Variants in THADA observed in about 807,000 individuals in gnomAD.
THADA encodes the protein THADA armadillo repeat containing.
In THADA, 213 loss-of-function variants were observed where a neutral mutation model predicts 219.8. The ratio of observed to expected loss-of-function variants is 0.97; its 90% CI spans 0.87 to 1.09. The LOEUF (loss-of-function observed/expected upper bound fraction) is 1.09, where lower values mean the gene tolerates loss of function less well. Among genes scored for constraint, THADA ranks in the 50% least tolerant of loss-of-function variants. The pLI is 0.00. For synonymous variants in THADA, 1,018 were observed against 828.9 expected, an observed-to-expected ratio of 1.23 and a Z score of -3.92; for missense variants, 2,956 against 2,311.3, an observed-to-expected ratio of 1.28 and a Z score of -5.72.
intron 36 of THADA, among the ~76,000 whole-genome samples, chr2:43,249,027 A>T (rs1669547363): frequency 6.6e-6 from 1 of 151,488 alleles, no homozygotes; most frequent in Non-Finnish European, 1.5e-5. Flanking sequence ...TCACCTCTCC[A>T]TCCCCACTGC....
chr2:43,452,779 T>G (rs1188389808), intron 26 of THADA, among the ~76,000 whole-genome samples: 1 of 152,226 alleles, frequency 6.6e-6, no homozygotes, highest in Admixed American at 6.5e-5. Flanking sequence ...TTTTAAAATC[T>G]AATCATCTGC....
chr2:43,555,146 C>G (rs1038771731), intron 17 of THADA, among the ~76,000 whole-genome samples: 4 of 151,668 alleles, frequency 2.6e-5, no homozygotes, highest in African/African-American at 9.7e-5. Flanking sequence ...TGTGGTAAAT[C>G]TGTACAATAT....
At chr2:43,363,370 T>A (rs1669744741) in intron 29 of THADA, among the ~76,000 whole-genome samples, 1 of 152,242 alleles carries the variant, frequency 6.6e-6, no homozygotes, top group Non-Finnish European at 1.5e-5. Flanking sequence ...GGGACCACTG[T>A]CACATATGCA....
At chr2:43,314,406 G>A (rs1247931805) in intron 31 of THADA, among the ~76,000 whole-genome samples, 2 of 152,332 alleles carry the variant, frequency 1.3e-5, no homozygotes, top group East Asian at 3.9e-4. Context: ...GTCTGAAAGT[G>A]CAGGTAGGTA....
intron 35 of THADA, among the ~76,000 whole-genome samples, chr2:43,280,849 T>C (rs1673265799): frequency 6.6e-6 from 1 of 152,126 alleles, no homozygotes; most frequent in Non-Finnish European, 1.5e-5. Context: ...AAAAGGAATA[T>C]AAAGTCAAAA....
intron 36 of THADA, among the ~76,000 whole-genome samples, chr2:43,253,133 G>A (rs549110461): frequency 3.3e-5 from 5 of 152,284 alleles, no homozygotes; most frequent in African/African-American, 7.2e-5. Context: ...ACAGATCAGG[G>A]TCTAGAAGAT....
At chr2:43,418,633 T>C (rs1212829296) in intron 28 of THADA, among the ~76,000 whole-genome samples, 3 of 152,116 alleles carry the variant, frequency 2.0e-5, no homozygotes, top group African/African-American at 4.8e-5. Context: ...GAACTTGTGA[T>C]TCTATATGAG....
chr2:43,364,039 T>C (rs1000634283), intron 29 of THADA, among the ~76,000 whole-genome samples: 2 of 152,014 alleles, frequency 1.3e-5, no homozygotes, highest in East Asian at 1.9e-4. Context: ...CTGGGCAACA[T>C]GGTGAAACCC....
chr2:43,282,609 T>C (rs1673487113), intron 35 of THADA, among the ~76,000 whole-genome samples: 1 of 152,192 alleles, frequency 6.6e-6, no homozygotes, highest in South Asian at 2.1e-4. Flanking sequence ...AATCATAGCA[T>C]GTTAATACGG....
chr2:43,484,202 C>G (rs1442109756), intron 26 of THADA: 4 of 159,438 alleles, frequency 2.5e-5, no homozygotes, highest in Non-Finnish European at 5.9e-5. Context: ...TACAGGGTGA[C>G]AAGAAGCAAT....
chr2:43,366,311 G>A (rs1408964709), intron 29 of THADA, among the ~76,000 whole-genome samples: 1 of 152,172 alleles, frequency 6.6e-6, no homozygotes, highest in Admixed American at 6.5e-5. Context: ...CAGATGCATA[G>A]GGATTCAGTC....
intron 24 of THADA, among the ~76,000 whole-genome samples, chr2:43,504,155 T>C (rs1211743076): frequency 1.3e-5 from 2 of 152,202 alleles, no homozygotes; most frequent in East Asian, 1.9e-4. Flanking sequence ...TTAAAAGTGA[T>C]AGTCTAGGAA....
intron 35 of THADA, among the ~76,000 whole-genome samples, chr2:43,286,260 T>C (rs570732359): frequency 4.9e-4 from 75 of 152,170 alleles, no homozygotes; most frequent in Admixed American, 1.4e-3. Flanking sequence ...AGGAGTGGGC[T>C]AGGGGACAGA....
intron 29 of THADA, among the ~76,000 whole-genome samples, chr2:43,361,198 T>C (rs1669480710): frequency 6.6e-6 from 1 of 152,182 alleles, no homozygotes; most frequent in African/African-American, 2.4e-5. Context: ...CCTACTATCA[T>C]ATCACGGGCT....
At chr2:43,394,914 C>T (rs113357846) in intron 29 of THADA, among the ~76,000 whole-genome samples, 1,752 of 152,336 alleles carry the variant, frequency 0.012, 12 homozygotes, top group Middle Eastern at 0.027. Flanking sequence ...ACAAGAGCAA[C>T]AGCCACAACA....
At chr2:43,299,926 G>A (rs1676054039) in intron 31 of THADA, among the ~76,000 whole-genome samples, 1 of 150,932 alleles carries the variant, frequency 6.6e-6, no homozygotes, top group South Asian at 2.1e-4. Context: ...TACTCCGGAG[G>A]CTGAAGCAGG....
intron 28 of THADA, among the ~76,000 whole-genome samples, chr2:43,402,792 G>A (rs7607777): frequency 2.0e-5 from 3 of 152,156 alleles, no homozygotes; most frequent in South Asian, 2.1e-4. Context: ...CTGCTGCTGT[G>A]TAAGTGTGAC....
chr2:43,364,673 G>T (rs1323602991), intron 29 of THADA, among the ~76,000 whole-genome samples: 1 of 152,206 alleles, frequency 6.6e-6, no homozygotes, highest in Non-Finnish European at 1.5e-5. Flanking sequence ...CGCCTGACTT[G>T]TTTATTCACT....
chr2:43,325,166 G>A (rs963428378), intron 30 of THADA, among the ~76,000 whole-genome samples: 2 of 152,178 alleles, frequency 1.3e-5, no homozygotes, highest in Non-Finnish European at 2.9e-5. Context: ...AGAGGCACAA[G>A]GCAGGCAGAG....
Sources: allele counts gnomAD v4.1 joint callset (sites outside exome capture counted in the v4.1 genomes callset), GRCh38; gene constraint gnomAD v4.1.1; transcripts MANE v1.5; gene names NCBI Gene and HGNC (gene_info 2026-07-23, HGNC 2026-07-21).